RPS4X: variants seen among roughly 807,000 people sequenced by gnomAD.
RPS4X encodes the protein small ribosomal subunit protein eS4, X isoform.
For missense variants in RPS4X, 90 were observed against 219.1 expected, an observed-to-expected ratio of 0.41 and a Z score of 3.72; for synonymous variants, 76 against 76.8, an observed-to-expected ratio of 0.99 and a Z score of 0.06.
rs1216535592 is a variant in RPS4X at position 72,273,769 on chromosome X, G to C, written c.532+32C>G. The C allele has an allele frequency of 6.8e-6, 8 of 1,174,938 alleles. No homozygotes were observed. In the East Asian group the frequency reaches 2.1e-4, roughly 30 times the overall value. On this transcript the variant is annotated intron_variant, in intron 5 of 6. Coordinates refer to ENST00000316084, the MANE Select transcript of RPS4X (RefSeq NM_001007.5). ...AATTCATAATGATCTAGGCCTTAAA[G>C]AGGGTGCCCAGGTAGCACAGAGGAT...
intron 1 of RPS4X, 89 bp from the exon 2 acceptor site, chrX:72,276,323 T>C: frequency 1.6e-6 from 1 of 643,388 alleles, no homozygotes; most frequent in Non-Finnish European, 2.4e-6. Context: ...TTTAGTTTCA[T>C]CTTCAGCAAA....
At chrX:72,277,011 T>C (rs777512723) in intron 1 of RPS4X, among the ~76,000 whole-genome samples, 182 bp downstream of exon 1, 1 of 111,930 alleles carries the variant, frequency 8.9e-6, no homozygotes, top group East Asian at 2.8e-4. Flanking sequence ...GATCTGCGCC[T>C]CCCCAACCCT....
Position 72,272,561 on chromosome X carries a change from A to G in RPS4X, c.*110T>C, listed in dbSNP as rs183857827. ...TGTTCATGTTATACAGTAAAATAGC[A>G]GGAAACTGAATTAAAAAAAAAAACA... On this transcript the variant is annotated 3_prime_UTR_variant, in exon 7 of 7. Coordinates refer to ENST00000316084, the MANE Select transcript of RPS4X (RefSeq NM_001007.5). 7.2e-4 allele frequency: 350 copies of G among 488,954 alleles called. No individual in the cohort carries two copies. The highest frequency in any genetic ancestry group is 1.2e-3 in the Non-Finnish European group (332 of 288,511). The allele number at this position is 488,954 out of a possible 1,213,427, so 40.3% of individuals were successfully genotyped here.
At chrX:72,275,785 T>C (rs1286361709) in intron 2 of RPS4X, 61 bp from the exon 3 acceptor site, 53 of 964,739 alleles carry the variant, frequency 5.5e-5, no homozygotes, top group Non-Finnish European at 7.3e-5. Flanking sequence ...ACCTACCTCC[T>C]AGTCCACCAG....
rs2043190609 is a variant in RPS4X, at chrX:72,273,798, T to C, written c.532+3A>G. The C allele has an allele frequency of 8.3e-7, 1 of 1,206,862 alleles. No individual in the cohort carries two copies. Among genetic ancestry groups the C allele is most frequent in the Non-Finnish European group, 1.1e-6 (1 of 891,560 alleles). ...GTGCCCAGGTAGCACAGAGGATGCTTACCAGTGTCGAACTTGATGAAATCA... is the reference window on the plus strand; with the variant it reads ...GTGCCCAGGTAGCACAGAGGATGCTCACCAGTGTCGAACTTGATGAAATCA... On this transcript the variant is annotated splice_donor_region_variant and intron_variant, in intron 5 of 6. Transcript: ENST00000316084.
At chrX:72,274,975 C>T in intron 4 of RPS4X, 78 bp downstream of exon 4, 1 of 594,766 alleles carries the variant, frequency 1.7e-6, no homozygotes, top group Non-Finnish European at 2.8e-6. Flanking sequence ...TCATTGCAAG[C>T]AGCACTCGTA....
chrX:72,276,091 C>T (rs1215961661), intron 2 of RPS4X, 66 bp downstream of exon 2: 1 of 915,390 alleles, frequency 1.1e-6, no homozygotes, highest in African/African-American at 2.0e-5. Flanking sequence ...CTAGCCTGGT[C>T]CCCAAATGAG....
intron 4 of RPS4X, 33 bp downstream of exon 4, chrX:72,275,020 T>C (rs2147625966): frequency 1.0e-6 from 1 of 998,189 alleles, no homozygotes. Flanking sequence ...GTAACTATAC[T>C]GAGTAAAGAC....
At position 72,276,607 on chromosome X, in the gene RPS4X, G is replaced by A. The variant is rs749407503; in HGVS notation, c.4-373C>T. On this transcript the variant is annotated intron_variant, in intron 1 of 6. Coordinates refer to ENST00000316084, the MANE Select transcript of RPS4X (RefSeq NM_001007.5). Reference sequence around the variant, plus strand: ...GCACAGCAACAGAAATGAGCCAGGAGTCTACCTGTGTTTCTAAAGTTTTCA... The same window carrying A: ...GCACAGCAACAGAAATGAGCCAGGAATCTACCTGTGTTTCTAAAGTTTTCA... 5.4e-5 allele frequency among the ~76,000 whole-genome samples: 6 copies of A among 112,034 alleles called. No homozygotes were observed. In the Admixed American group the frequency reaches 5.6e-4, roughly 11 times the overall value.
chrX:72,277,058 G>C (rs2043208095), intron 1 of RPS4X, 135 bp downstream of exon 1: 13 of 755,926 alleles, frequency 1.7e-5, no homozygotes, highest in Non-Finnish European at 2.3e-5. Context: ...AGCCCGTCCC[G>C]GCCTACCACG....
intron 1 of RPS4X, among the ~76,000 whole-genome samples, chrX:72,276,634 AATTT>A (rs1458324189): frequency 2.7e-5 from 3 of 112,171 alleles, no homozygotes; most frequent in Non-Finnish European, 3.8e-5. Context: ...AAGTTTTCAC[AATTT>A]ATTACCGTCT....
chrX:72,276,348 A>C (rs1459431806), intron 1 of RPS4X, 114 bp from the exon 2 acceptor site: 5 of 513,625 alleles, frequency 9.7e-6, no homozygotes, highest in Non-Finnish European at 1.3e-5. Flanking sequence ...GGACAATATT[A>C]AAGTATAGTG....
intron 2 of RPS4X, 107 bp downstream of exon 2, chrX:72,276,050 G>T: frequency 1.6e-6 from 1 of 616,354 alleles, no homozygotes; most frequent in Non-Finnish European, 2.6e-6. Flanking sequence ...TCCTTCAAGG[G>T]CAGAGGAAGC....
At position 72,277,096 on chromosome X, in the gene RPS4X, G is replaced by C. The variant is rs2043208264; in HGVS notation, c.3+97C>G. On this transcript the variant is annotated intron_variant, in intron 1 of 6. Transcript: ENST00000316084. ...GGCCGTGATCCCTTCGCCTCTGCCC[G>C]GCCATCCCCAGTAGGAATCCCGAAA... The C allele has an allele frequency of 9.6e-6, 10 of 1,046,653 alleles. No homozygotes were observed. The South Asian group carries it at 2.0e-4, about 21-fold the overall frequency. The allele number at this position is 1,046,653 out of a possible 1,213,427, so 86.3% of individuals were successfully genotyped here.
In RPS4X at chrX:72,277,206, G is replaced by C; in HGVS notation, c.-11C>G. The C allele has an allele frequency of 8.3e-7, 1 of 1,210,411 alleles. No individual in the cohort carries two copies. ...TAAACGGCTTACCATGGCTGCGTTA[G>C]GCAAGGAAAGAGGACCTCCGTCTTC... On this transcript the variant is annotated 5_prime_UTR_variant, in exon 1 of 7. Transcript: ENST00000316084.
intron 6 of RPS4X, 57 bp downstream of exon 6, chrX:72,273,175 C>T (rs1206827284): frequency 1.8e-6 from 2 of 1,096,457 alleles, no homozygotes; most frequent in African/African-American, 1.8e-5. Context: ...ACAATCCCAG[C>T]AGCCACCTGC....
chrX:72,276,180 G>T lies in RPS4X; in HGVS notation c.58C>A (p.Leu20Met). 3.3e-6 allele frequency: 4 copies of T among 1,208,806 alleles called. No individual in the cohort carries two copies. The highest frequency in any genetic ancestry group is 3.4e-6 in the Non-Finnish European group (3 of 893,416). Residue 20 changes from leucine (L) to methionine (M), a missense_variant, in exon 2 of 7, where the codon CTG (leucine) becomes ATG (methionine). Coordinates refer to ENST00000316084, the MANE Select transcript of RPS4X (RefSeq NM_001007.5). ...KRVAAPKHWM[L>M]DKLTGVFAPR... ...ACAAACACACCGGTCAATTTATCCAGCATCCAATGCTTTGGAGCTGCCACC... is the reference window on the plus strand; with the variant it reads ...ACAAACACACCGGTCAATTTATCCATCATCCAATGCTTTGGAGCTGCCACC...
chrX:72,274,977 G>T, intron 4 of RPS4X, 76 bp downstream of exon 4: 2 of 606,065 alleles, frequency 3.3e-6, no homozygotes, highest in East Asian at 3.4e-5. Flanking sequence ...ATTGCAAGCA[G>T]CACTCGTACT....
chrX:72,272,415 G>T lies in RPS4X; in HGVS notation c.*256C>A. 1 of 314,036 alleles carries T rather than the reference G, an allele frequency of 3.2e-6. No individual in the cohort carries two copies. The highest frequency in any genetic ancestry group is 5.1e-5 in the East Asian group (1 of 19,428). 25.9% of individuals were successfully genotyped at this position (314,036 alleles called of 1,213,427 possible). ...GGAGATAAATACTCCGGGATTTCTT[G>T]GCTCTTTCTACTCCTTGGTTAGTTG... On this transcript the variant is annotated 3_prime_UTR_variant, in exon 7 of 7. Transcript: ENST00000316084.
Sources: allele counts gnomAD v4.1 joint callset (sites outside exome capture counted in the v4.1 genomes callset), GRCh38; gene constraint gnomAD v4.1.1; transcripts MANE v1.5; gene names NCBI Gene and HGNC (gene_info 2026-07-23, HGNC 2026-07-21).